Variants in VAPA observed in about 807,000 individuals in gnomAD.
VAPA encodes VAMP associated protein A.
In VAPA, 6 loss-of-function variants were observed where a neutral mutation model predicts 25.6. The ratio of observed to expected loss-of-function variants is 0.23; its 90% CI spans 0.13 to 0.46. The LOEUF (loss-of-function observed/expected upper bound fraction) is 0.46. Among genes scored for constraint, VAPA ranks in the 20% least tolerant of loss-of-function variants. VAPA has a pLI of 0.99. For missense variants in VAPA, 244 were observed against 302.1 expected (o/e 0.81, Z 1.43); for synonymous variants, 112 against 106.2 (o/e 1.05, Z -0.34).
At chr18:9,925,347 A>G (rs2069191640) in intron 1 of VAPA, among the ~76,000 whole-genome samples, 1 of 147,938 alleles carries the variant, frequency 6.8e-6, no homozygotes, top group African/African-American at 2.7e-5. Flanking sequence ...TTAGAGGCTT[A>G]AATAAAATAG....
chr18:9,943,924 G>C (rs373321883), intron 4 of VAPA, among the ~76,000 whole-genome samples: 16 of 126,194 alleles, frequency 1.3e-4, no homozygotes, highest in African/African-American at 4.2e-4. Context: ...GCAGTGGCGC[G>C]ATCTCGGCTC....
intron 4 of VAPA, 86 bp from the exon 5 acceptor site, chr18:9,950,309 A>G (rs1599118440): frequency 2.1e-6 from 3 of 1,451,826 alleles, no homozygotes; most frequent in East Asian, 2.3e-5. Context: ...TTCATGAACA[A>G]AGATGTAGAA....
rs2069568901 is a variant in VAPA, at chr18:9,958,082, A to G, written c.*3871A>G. On this transcript the variant is annotated 3_prime_UTR_variant, in exon 6 of 6. Transcript: ENST00000400000. ...ATTTTTGGAAAATATAAAAAATTCC[A>G]AATTCTGCCTTTCAGCAGCATCAAT... 2 of 152,278 alleles carry G rather than the reference A, an allele frequency of 1.3e-5. No homozygotes were observed. Among genetic ancestry groups the G allele is most frequent in the Non-Finnish European group, 2.9e-5 (2 of 68,044 alleles). The allele number at this position is 152,278 out of a possible 1,614,324, so 9.4% of individuals were successfully genotyped here.
chr18:9,952,960 G>A (rs1325050521), intron 5 of VAPA, among the ~76,000 whole-genome samples: 2 of 152,162 alleles, frequency 1.3e-5, no homozygotes, highest in African/African-American at 4.8e-5. Context: ...TTTAGTTAGT[G>A]TTTATTTATA....
In VAPA at chr18:9,937,081, G is replaced by A. The variant is rs773221093; in HGVS notation, c.417+15G>A. On this transcript the variant is annotated intron_variant, in intron 4 of 5. Transcript: ENST00000400000. ...ATGATAAATTGGTAAGTAGGAGAAT[G>A]TAAAAAAAATTGGGAGCTGTTGAGC... 2 of 1,608,562 alleles carry A rather than the reference G, an allele frequency of 1.2e-6. No individual in the cohort carries two copies. The highest frequency in any genetic ancestry group is 1.3e-5 in the African/African-American group (1 of 74,650).
chr18:9,950,153 A>G (rs2069473179), intron 4 of VAPA: 1 of 397,052 alleles, frequency 2.5e-6, no homozygotes, highest in African/African-American at 2.1e-5. Context: ...ATTACAGGAA[A>G]GAACTTGAAC....
chr18:9,942,787 T>C (rs2069379315), intron 4 of VAPA, among the ~76,000 whole-genome samples: 1 of 152,256 alleles, frequency 6.6e-6, no homozygotes, highest in East Asian at 1.9e-4. Flanking sequence ...AGAACTCTTA[T>C]CATGGGAACA....
chr18:9,940,220 T>C (rs909850350), intron 4 of VAPA, among the ~76,000 whole-genome samples: 1 of 152,166 alleles, frequency 6.6e-6, no homozygotes, highest in Non-Finnish European at 1.5e-5. Context: ...CTTGGTAGTT[T>C]ATTATTATTG....
At chr18:9,933,549 C>G (rs773154897) in intron 2 of VAPA, among the ~76,000 whole-genome samples, 2 of 152,140 alleles carry the variant, frequency 1.3e-5, no homozygotes, top group Non-Finnish European at 2.9e-5. Context: ...AGAATTCTTT[C>G]TTTTTTGAGA....
intron 1 of VAPA, among the ~76,000 whole-genome samples, chr18:9,930,866 T>G (rs938502699): frequency 6.6e-6 from 1 of 152,110 alleles, no homozygotes; most frequent in African/African-American, 2.4e-5. Flanking sequence ...TAACAAACTT[T>G]AAGCATAGCA....
chr18:9,918,110 C>A (rs1227295703), intron 1 of VAPA, among the ~76,000 whole-genome samples: 1 of 152,094 alleles, frequency 6.6e-6, no homozygotes. Flanking sequence ...AAAGAAAAAC[C>A]CTGCTCATAC....
intron 1 of VAPA, chr18:9,924,137 A>T (rs2069180536): frequency 6.6e-6 from 1 of 151,928 alleles, no homozygotes. Flanking sequence ...TATTGTGATC[A>T]TTTTTTCATG....
intron 4 of VAPA, among the ~76,000 whole-genome samples, chr18:9,942,477 C>A (rs370055900): frequency 6.6e-6 from 1 of 152,138 alleles, no homozygotes; most frequent in Non-Finnish European, 1.5e-5. Context: ...CCCAGCCCCC[C>A]CTTCCTGTAT....
chr18:9,914,219 C>T lies in VAPA; in HGVS notation c.-38C>T, dbSNP rs1369741394. 2 of 1,553,004 alleles carry T rather than the reference C, an allele frequency of 1.3e-6. No individual in the cohort carries two copies. The highest frequency in any genetic ancestry group is 2.7e-5 in the East Asian group (1 of 37,588). On this transcript the variant is annotated 5_prime_UTR_variant, in exon 1 of 6. Transcript: ENST00000400000. ...TCCCCCGCCCCCAGTCAGCAAACCGCCGCCGCGGGCGCGCCCCCGCTCTGC... is the reference window on the plus strand; with the variant it reads ...TCCCCCGCCCCCAGTCAGCAAACCGTCGCCGCGGGCGCGCCCCCGCTCTGC...
intron 4 of VAPA, chr18:9,947,479 C>G (rs952032149): frequency 6.6e-6 from 1 of 152,184 alleles, no homozygotes; most frequent in Non-Finnish European, 1.5e-5. Flanking sequence ...CAGAACATGA[C>G]TGGACAACTC....
At chr18:9,931,298 G>A (rs1292787975) in intron 1 of VAPA, among the ~76,000 whole-genome samples, 1 of 152,152 alleles carries the variant, frequency 6.6e-6, no homozygotes, top group African/African-American at 2.4e-5. Flanking sequence ...TAGAGCATAT[G>A]GCATAATAAA....
At chr18:9,945,052 A>G in intron 4 of VAPA, 1 of 1,613,964 alleles carries the variant, frequency 6.2e-7, no homozygotes, top group Non-Finnish European at 8.5e-7. Context: ...AACAGGAGAA[A>G]CAGAAGGTTT....
chr18:9,952,014 C>T (rs1321535433), intron 5 of VAPA, among the ~76,000 whole-genome samples: 2 of 152,186 alleles, frequency 1.3e-5, no homozygotes, highest in Non-Finnish European at 2.9e-5. Context: ...TCTGCCATGA[C>T]TTCCATAGTT....
chr18:9,937,108 C>T (rs1396819688), intron 4 of VAPA, 42 bp downstream of exon 4: 4 of 1,534,994 alleles, frequency 2.6e-6, no homozygotes, highest in Admixed American at 1.7e-5. Context: ...CTGTTGAGCT[C>T]TCAGTTCCTT....
Sources: gnomAD v4.1 joint callset for allele counts (sites outside exome capture counted in the v4.1 genomes callset) on GRCh38, gnomAD v4.1.1 for gene constraint, MANE v1.5 for transcripts, NCBI Gene and HGNC (gene_info 2026-07-23, HGNC 2026-07-21) for gene names.